The following ATP2B4 variants were observed in gnomAD, a reference collection of about 807,000 sequenced individuals.
ATP2B4 encodes the protein plasma membrane calcium-transporting ATPase 4.
In ATP2B4, 39 loss-of-function variants were observed where a neutral mutation model predicts 110.3. That is an observed-to-expected ratio of 0.35 (90% CI 0.27 to 0.46). ATP2B4 has a LOEUF of 0.46. ATP2B4 is among the 20% of genes least tolerant of loss of function. The pLI is 1.00. For synonymous variants in ATP2B4, 538 were observed against 571.7 expected (o/e 0.94, Z 0.84); for missense variants, 1,135 against 1,530.9 (o/e 0.74, Z 4.32).
chr1:203,663,453 C>T (rs1488772798), intron 1 of ATP2B4, among the ~76,000 whole-genome samples: 4 of 152,024 alleles, frequency 2.6e-5, no homozygotes, highest in Non-Finnish European at 1.5e-5. Context: ...ACACACACAT[C>T]ACACATACAT....
intron 1 of ATP2B4, among the ~76,000 whole-genome samples, chr1:203,655,252 T>G (rs970316787): frequency 1.3e-5 from 2 of 152,176 alleles, no homozygotes; most frequent in African/African-American, 2.4e-5. Flanking sequence ...ATAAACATAG[T>G]TGATAAAGCA....
intron 1 of ATP2B4, among the ~76,000 whole-genome samples, chr1:203,652,084 T>A (rs1156679611): frequency 6.7e-6 from 1 of 149,764 alleles, no homozygotes; most frequent in African/African-American, 2.5e-5. Context: ...ACAAAACCCT[T>A]TAGAGACAAA....
At position 203,699,466 on chromosome 1, in the gene ATP2B4, G is replaced by T. The variant is rs753190041; in HGVS notation, c.398G>T (p.Gly133Val). The T allele has an allele frequency of 6.8e-5, 110 of 1,613,976 alleles. 2 individuals carry two copies. In the East Asian group the frequency reaches 2.4e-3, roughly 35 times the overall value. The change falls in exon 4 of 21, where the codon GGT (glycine) becomes GTT (valine). Residue 133 changes from glycine to valine, a missense_variant. Around this residue, in one of 9 missense-constraint regions of ATP2B4, gnomAD observed 101 missense variants for 182.6 expected, o/e 0.55. Transcript: ENST00000357681. ...CTCTCCCTTCCTGGGATAGTGTGTGGTCAAGTCGCAACTACCCCAGAAGAT... is the reference window on the plus strand; with the variant it reads ...CTCTCCCTTCCTGGGATAGTGTGTGTTCAAGTCGCAACTACCCCAGAAGAT... ...RPAGEENELC[G>V]QVATTPEDEN... is the part of the protein sequence containing the mutation.
intron 20 of ATP2B4, among the ~76,000 whole-genome samples, chr1:203,730,413 C>G (rs1485696005): frequency 6.6e-6 from 1 of 152,146 alleles, no homozygotes; most frequent in Admixed American, 6.5e-5. Context: ...CCACCCCACA[C>G]TCCAGGCTGC....
chr1:203,661,221 A>G (rs1330104957), intron 1 of ATP2B4, among the ~76,000 whole-genome samples: 1 of 152,152 alleles, frequency 6.6e-6, no homozygotes, highest in Non-Finnish European at 1.5e-5. Context: ...GAGGTGAATG[A>G]TCACTGAGAA....
chr1:203,716,368 C>T lies in ATP2B4; in HGVS notation c.2406+2091C>T, dbSNP rs138753540. Among the ~76,000 whole-genome samples the T allele has an allele frequency of 1.2e-4, 17 of 145,566 alleles. 3 individuals are homozygous for T. In the East Asian group the frequency reaches 3.5e-3, roughly 30 times the overall value. On this transcript the variant is annotated intron_variant, in intron 15 of 20. Transcript: ENST00000357681. Reference sequence around the variant, plus strand: ...GTGTGATGTTCTGCCTAGGGAAGCCCATCATGGACTTAGTACCCAAGGTTT... The same window carrying T: ...GTGTGATGTTCTGCCTAGGGAAGCCTATCATGGACTTAGTACCCAAGGTTT...
chr1:203,704,222 G>A (rs766028944), intron 8 of ATP2B4, among the ~76,000 whole-genome samples: 3 of 152,156 alleles, frequency 2.0e-5, no homozygotes, highest in Non-Finnish European at 4.4e-5. Flanking sequence ...GTAGGATCTG[G>A]CTAAGCACAG....
intron 1 of ATP2B4, among the ~76,000 whole-genome samples, chr1:203,641,251 A>C (rs889814846): frequency 2.0e-5 from 3 of 152,180 alleles, no homozygotes; most frequent in Admixed American, 2.0e-4. Context: ...TAGCTCTCCG[A>C]AGTAAATTAA....
chr1:203,734,164 G>A (rs1401389395), intron 20 of ATP2B4, among the ~76,000 whole-genome samples: 1 of 152,002 alleles, frequency 6.6e-6, no homozygotes, highest in Non-Finnish European at 1.5e-5. Context: ...AGCTGGGCGT[G>A]GTGGCGGGCA....
chr1:203,733,297 C>A (rs757181019), intron 20 of ATP2B4: 4 of 1,614,106 alleles, frequency 2.5e-6, no homozygotes, highest in Non-Finnish European at 3.4e-6. Flanking sequence ...TGGGTCAACA[C>A]CTTGATGTAA....
chr1:203,720,892 A>C, intron 16 of ATP2B4, 152 bp downstream of exon 16: 7 of 1,001,512 alleles, frequency 7.0e-6, no homozygotes, highest in Non-Finnish European at 1.0e-5. Flanking sequence ...TGCTGTCTTC[A>C]TCTGCTTATG....
At chr1:203,715,024 A>G (rs1317759115) in intron 15 of ATP2B4, among the ~76,000 whole-genome samples, 1 of 152,100 alleles carries the variant, frequency 6.6e-6, no homozygotes, top group Non-Finnish European at 1.5e-5. Context: ...CACATGGCCA[A>G]TCTTGTTTCA....
In ATP2B4 at chr1:203,693,227, G is replaced by A. The variant is rs181794741; in HGVS notation, c.194-4930G>A. Reference sequence around the variant, plus strand: ...CAGCTGCTGAGATCAGGGCCTGAAAGACTCTCTAGGGCAGAAAGAATTGGA... The same window carrying A: ...CAGCTGCTGAGATCAGGGCCTGAAAAACTCTCTAGGGCAGAAAGAATTGGA... On this transcript the variant is annotated intron_variant, in intron 2 of 20. Transcript: ENST00000357681. 2.6e-5 allele frequency among the ~76,000 whole-genome samples: 4 copies of A among 152,300 alleles called. No individual in the cohort carries two copies. The East Asian group carries it at 7.7e-4, about 29-fold the overall frequency.
intron 1 of ATP2B4, among the ~76,000 whole-genome samples, chr1:203,644,741 T>C (rs537532095): frequency 3.9e-5 from 6 of 152,216 alleles, no homozygotes; most frequent in African/African-American, 9.6e-5. Flanking sequence ...TCCTAGGAAG[T>C]TGGTGACCGG....
At chr1:203,682,169 G>T (rs1163511848) in intron 1 of ATP2B4, among the ~76,000 whole-genome samples, 3 of 152,140 alleles carry the variant, frequency 2.0e-5, no homozygotes, top group Non-Finnish European at 4.4e-5. Context: ...TACACCTGGA[G>T]GCTGAGTACT....
chr1:203,694,100 T>A (rs1665464030), intron 2 of ATP2B4, among the ~76,000 whole-genome samples: 1 of 152,236 alleles, frequency 6.6e-6, no homozygotes, highest in African/African-American at 2.4e-5. Context: ...GGGTTTGTGA[T>A]GCTTGAATGA....
chr1:203,680,705 A>T (rs928481702), intron 1 of ATP2B4, among the ~76,000 whole-genome samples: 2 of 152,158 alleles, frequency 1.3e-5, no homozygotes, highest in African/African-American at 4.8e-5. Context: ...ATTTCCAAGC[A>T]CTATTTCTAT....
At position 203,728,452 on chromosome 1, in the gene ATP2B4, C is replaced by T. The variant is rs550566499; in HGVS notation, c.3309+881C>T. 13 of 237,928 alleles carry T rather than the reference C, an allele frequency of 5.5e-5. No individual in the cohort carries two copies. The East Asian group carries it at 6.5e-4, about 12-fold the overall frequency. 14.7% of individuals were successfully genotyped at this position (237,928 alleles called of 1,614,324 possible). A position where few individuals can be genotyped will look rare whatever the true frequency, so the allele number is the denominator to read the frequency against. On this transcript the variant is annotated intron_variant, in intron 20 of 20. Coordinates refer to ENST00000357681, the MANE Select transcript of ATP2B4 (RefSeq NM_001684.5). ...TCCATTTCAAAAACACTGTAAATTCCAAGATCTCAAGGGTGGTCTCCAGAA... is the reference window on the plus strand; with the variant it reads ...TCCATTTCAAAAACACTGTAAATTCTAAGATCTCAAGGGTGGTCTCCAGAA...
At chr1:203,667,289 A>G (rs1373049884) in intron 1 of ATP2B4, among the ~76,000 whole-genome samples, 2 of 152,144 alleles carry the variant, frequency 1.3e-5, no homozygotes, top group African/African-American at 4.8e-5. Flanking sequence ...GAAGCCCGTG[A>G]TCTACTGAGA....
Sources: allele counts gnomAD v4.1 joint callset (sites outside exome capture counted in the v4.1 genomes callset), GRCh38; gene constraint gnomAD v4.1.1; regional missense constraint gnomAD v4.1.1; transcripts MANE v1.5; gene names NCBI Gene and HGNC (gene_info 2026-07-23, HGNC 2026-07-21).